The following RPS6KA2 variants were observed in gnomAD, a reference collection of about 807,000 sequenced individuals.
RPS6KA2 encodes ribosomal protein S6 kinase alpha-2.
In RPS6KA2, 42 loss-of-function variants were observed where a neutral mutation model predicts 91.8. The observed-to-expected ratio is 0.46, with a 90% CI of 0.36 to 0.59. The LOEUF is 0.59. RPS6KA2 is among the 20% of genes least tolerant of loss of function. The pLI, the probability that RPS6KA2 is intolerant of heterozygous loss-of-function variation, is 0.00. For missense variants in RPS6KA2, 798 were observed against 978.5 expected (o/e 0.82, Z 2.46); for synonymous variants, 414 against 393.6 (o/e 1.05, Z -0.61).
intron 2 of RPS6KA2, among the ~76,000 whole-genome samples, chr6:166,839,093 C>T (rs963265195): frequency 2.2e-4 from 34 of 152,172 alleles, no homozygotes; most frequent in African/African-American, 7.2e-4. Context: ...CCTCCAGAAC[C>T]GTTAGACAAC....
chr6:166,730,812 G>A (rs1790489461), intron 2 of RPS6KA2, among the ~76,000 whole-genome samples: 1 of 152,180 alleles, frequency 6.6e-6, no homozygotes, highest in Admixed American at 6.5e-5. Context: ...CCCAATCTGG[G>A]AAACTCATTT....
chr6:166,485,722 C>CG (rs199927963), intron 10 of RPS6KA2, among the ~76,000 whole-genome samples: 13,188 of 152,110 alleles, frequency 0.087, 755 homozygotes, highest in Middle Eastern at 0.18. Context: ...CGGTGATGAA[C>CG]GGGGGGGTCT....
In RPS6KA2 at chr6:166,732,919, C is replaced by T. The variant is rs1010731383; in HGVS notation, c.123+125281G>A. 6.6e-6 allele frequency among the ~76,000 whole-genome samples: 1 copy of T among 152,154 alleles called. No homozygotes were observed. Among genetic ancestry groups the T allele is most frequent in the African/African-American group, 2.4e-5 (1 of 41,430 alleles). On this transcript the variant is annotated intron_variant, in intron 2 of 21. Coordinates refer to the RPS6KA2 transcript ENST00000503859. The surrounding 1 kb of genome is among the most constrained non-coding windows in gnomAD (Gnocchi z 4.0). ...AGTAAGTCACAACAAAACAAAAGACCTGAAGTGAAGCCTGCTGGCTTAGAG... is the reference window on the plus strand; with the variant it reads ...AGTAAGTCACAACAAAACAAAAGACTTGAAGTGAAGCCTGCTGGCTTAGAG...
chr6:166,508,080 C>CA lies in RPS6KA2; in HGVS notation c.459+122_459+123insT. On this transcript the variant is annotated intron_variant, in intron 5 of 20. Coordinates refer to ENST00000265678, the MANE Select transcript of RPS6KA2 (RefSeq NM_021135.6). This position sits in a 1 kb window ranked among gnomAD's most constrained non-coding sequence, Gnocchi z 4.3. ...GCACACACTCACACATGCACACACCCCCACACACACACACGCACTCTCGCA... is the reference window on the plus strand; with the variant it reads ...GCACACACTCACACATGCACACACCCACCACACACACACACGCACTCTCGCA... 1.5e-6 allele frequency: 1 copy of CA among 645,984 alleles called. No homozygotes were observed. The highest frequency in any genetic ancestry group is 2.8e-6 in the Non-Finnish European group (1 of 355,724). 40.0% of individuals were successfully genotyped at this position (645,984 alleles called of 1,614,324 possible). A position where few individuals can be genotyped will look rare whatever the true frequency, so the allele number is the denominator to read the frequency against.
intron 2 of RPS6KA2, among the ~76,000 whole-genome samples, chr6:166,847,190 A>G (rs1780628860): frequency 6.6e-6 from 1 of 152,156 alleles, no homozygotes; most frequent in Non-Finnish European, 1.5e-5. Flanking sequence ...CCTTAGGCAT[A>G]TACCTAACCA....
chr6:166,572,867 C>G (rs979293092), intron 1 of RPS6KA2, among the ~76,000 whole-genome samples: 1 of 152,248 alleles, frequency 6.6e-6, no homozygotes, highest in Non-Finnish European at 1.5e-5. Flanking sequence ...TGAATCTGCA[C>G]GTTCGGGTCT....
chr6:166,477,923 G>A (rs1392878242), intron 10 of RPS6KA2, among the ~76,000 whole-genome samples: 1 of 152,224 alleles, frequency 6.6e-6, no homozygotes, highest in African/African-American at 2.4e-5. Flanking sequence ...AAGGAAAGGA[G>A]AGGAAACAGT....
At chr6:166,421,785 T>TAA (rs1322240965) in intron 17 of RPS6KA2, among the ~76,000 whole-genome samples, 1 of 152,194 alleles carries the variant, frequency 6.6e-6, no homozygotes, top group Non-Finnish European at 1.5e-5. Flanking sequence ...CTGGTCCAGC[T>TAA]AAGAACTTAT....
At chr6:166,475,703 G>C in intron 10 of RPS6KA2, 1 of 501,292 alleles carries the variant, frequency 2.0e-6, no homozygotes, top group Non-Finnish European at 4.1e-6. Flanking sequence ...CGAAGGCAGG[G>C]GGATTCAGTC....
Position 166,515,628 on chromosome 6 carries a change from T to C in RPS6KA2, c.299-5271A>G, listed in dbSNP as rs535477940. Among the ~76,000 whole-genome samples the C allele has an allele frequency of 4.2e-5, 6 of 143,062 alleles. No individual in the cohort carries two copies. The South Asian group carries it at 1.2e-3, about 30-fold the overall frequency. 93.9% of individuals were successfully genotyped at this position (143,062 alleles called of 152,430 possible). A position where few individuals can be genotyped will look rare whatever the true frequency, so the allele number is the denominator to read the frequency against. On this transcript the variant is annotated intron_variant, in intron 3 of 20. Coordinates refer to ENST00000265678, the MANE Select transcript of RPS6KA2 (RefSeq NM_021135.6). ...GAGATTGCCGAATGGAGCTCTTGTATCTACTACCCTGGCTCTGCAGCAGAG... is the reference window on the plus strand; with the variant it reads ...GAGATTGCCGAATGGAGCTCTTGTACCTACTACCCTGGCTCTGCAGCAGAG...
intron 2 of RPS6KA2, among the ~76,000 whole-genome samples, chr6:166,838,659 C>T (rs574015045): frequency 6.6e-6 from 1 of 152,296 alleles, no homozygotes; most frequent in Non-Finnish European, 1.5e-5. Context: ...CACAGCAGTC[C>T]TTCCCAGTCT....
At chr6:166,538,317 T>C (rs182625056) in intron 2 of RPS6KA2, among the ~76,000 whole-genome samples, 5 of 152,238 alleles carry the variant, frequency 3.3e-5, no homozygotes, top group African/African-American at 1.2e-4. Flanking sequence ...TATTTTTTTC[T>C]TTCTTTGGGG....
At chr6:166,542,344 C>A (rs1783686703) in intron 1 of RPS6KA2, 1 of 152,180 alleles carries the variant, frequency 6.6e-6, no homozygotes, top group Non-Finnish European at 1.5e-5. Context: ...TTATCTAGAG[C>A]TTGATGAGGA....
At chr6:166,688,089 G>A (rs1789080171) in intron 2 of RPS6KA2, among the ~76,000 whole-genome samples, 1 of 152,144 alleles carries the variant, frequency 6.6e-6, no homozygotes, top group Admixed American at 6.5e-5. Context: ...GGGAGACAGG[G>A]CCGCAGACCT....
At chr6:166,549,302 C>T (rs922479537) in intron 1 of RPS6KA2, among the ~76,000 whole-genome samples, 1 of 152,142 alleles carries the variant, frequency 6.6e-6, no homozygotes, top group Non-Finnish European at 1.5e-5. Flanking sequence ...AAACGTATTC[C>T]AGGGCATTTA....
At chr6:166,688,882 C>T in intron 2 of RPS6KA2, among the ~76,000 whole-genome samples, 1 of 152,236 alleles carries the variant, frequency 6.6e-6, no homozygotes, top group Non-Finnish European at 1.5e-5. Context: ...TAAAAAATTA[C>T]AAGGACTAAG....
chr6:166,746,430 A>G (rs1791015586), intron 2 of RPS6KA2, among the ~76,000 whole-genome samples: 1 of 152,072 alleles, frequency 6.6e-6, no homozygotes, highest in Non-Finnish European at 1.5e-5. Context: ...CCTACTCTGT[A>G]CTCTCAGGCA....
At chr6:166,702,647 C>T (rs1427183904) in intron 2 of RPS6KA2, 5 of 1,571,778 alleles carry the variant, frequency 3.2e-6, no homozygotes, top group Middle Eastern at 1.7e-4. Flanking sequence ...ATGGGTTTCC[C>T]GTGCAGTTCT....
intron 2 of RPS6KA2, among the ~76,000 whole-genome samples, chr6:166,687,884 C>T (rs369595318): frequency 3.3e-5 from 5 of 152,162 alleles, no homozygotes; most frequent in African/African-American, 9.7e-5. Flanking sequence ...AAGCCCCCTG[C>T]GGTAGGAGTG....
Sources: allele counts gnomAD v4.1 joint callset (sites outside exome capture counted in the v4.1 genomes callset), GRCh38; gene constraint gnomAD v4.1.1; non-coding constraint Gnocchi (gnomAD v3.1); transcripts MANE v1.5; gene names NCBI Gene and HGNC (gene_info 2026-07-23, HGNC 2026-07-21).